ALK: variants seen among roughly 807,000 people sequenced by gnomAD.
The protein encoded by ALK is ALK receptor tyrosine kinase, also known as ALK tyrosine kinase receptor.
Under a neutral mutation model 163.1 loss-of-function variants are expected in ALK, and 74 were observed. The ratio of observed to expected loss-of-function variants is 0.45; its 90% CI spans 0.38 to 0.55. The LOEUF (loss-of-function observed/expected upper bound fraction) is 0.55, where lower values mean the gene tolerates loss of function less well. ALK is among the 20% of genes least tolerant of loss of function. The pLI is 0.00. For missense variants in ALK, 2,063 were observed against 2,105.3 expected (o/e 0.98, Z 0.39); for synonymous variants, 960 against 843.2 (o/e 1.14, Z -2.40).
chr2:29,449,349 G>C (rs927497985), intron 4 of ALK, among the ~76,000 whole-genome samples: 1 of 152,196 alleles, frequency 6.6e-6, no homozygotes, highest in Non-Finnish European at 1.5e-5. Flanking sequence ...CTAGTGGGTG[G>C]GTAAGTGAGT....
chr2:29,584,850 G>A (rs1402398181), intron 3 of ALK, among the ~76,000 whole-genome samples: 1 of 152,164 alleles, frequency 6.6e-6, no homozygotes, highest in African/African-American at 2.4e-5. Flanking sequence ...TCTCTTTAAG[G>A]ATCCATATAA....
chr2:29,308,963 A>G (rs1666621455), intron 8 of ALK, among the ~76,000 whole-genome samples: 1 of 151,414 alleles, frequency 6.6e-6, no homozygotes, highest in South Asian at 2.1e-4. Context: ...TTCCAGGCTT[A>G]TGGGAAGAAA....
intron 3 of ALK, among the ~76,000 whole-genome samples, chr2:29,668,382 A>C (rs1417454942): frequency 6.6e-6 from 1 of 151,926 alleles, no homozygotes; most frequent in Non-Finnish European, 1.5e-5. Flanking sequence ...TTTAAAACAT[A>C]GGTATTTATT....
chr2:29,274,496 C>T (rs1374491377), intron 11 of ALK, among the ~76,000 whole-genome samples: 1 of 152,230 alleles, frequency 6.6e-6, no homozygotes, highest in Non-Finnish European at 1.5e-5. Flanking sequence ...AGGTTCACAG[C>T]CGCTGGTCTA....
At chr2:29,345,132 A>G (rs1418183156) in intron 5 of ALK, among the ~76,000 whole-genome samples, 8 of 152,170 alleles carry the variant, frequency 5.3e-5, no homozygotes, top group Non-Finnish European at 1.2e-4. Context: ...AGTGGCTCAC[A>G]TCTGTAATCC....
intron 1 of ALK, among the ~76,000 whole-genome samples, chr2:29,859,789 G>C (rs924474777): frequency 3.3e-5 from 5 of 152,186 alleles, no homozygotes; most frequent in Non-Finnish European, 7.3e-5. Flanking sequence ...TTACTGGAAA[G>C]ACTTCTTCTA....
intron 3 of ALK, among the ~76,000 whole-genome samples, chr2:29,599,150 A>C (rs1255312540): frequency 6.6e-6 from 1 of 151,452 alleles, no homozygotes; most frequent in East Asian, 1.9e-4. Context: ...TACAAAGCAA[A>C]CCTGACAATA....
chr2:29,335,691 T>C (rs762620615), intron 5 of ALK, among the ~76,000 whole-genome samples: 1 of 152,110 alleles, frequency 6.6e-6, no homozygotes, highest in African/African-American at 2.4e-5. Flanking sequence ...AGGAATATTT[T>C]TGATGTTCAG....
At chr2:29,660,773 T>A (rs895263574) in intron 3 of ALK, among the ~76,000 whole-genome samples, 3 of 152,050 alleles carry the variant, frequency 2.0e-5, no homozygotes, top group Non-Finnish European at 4.4e-5. Context: ...GTTCCAAAGC[T>A]CACAGCTTTC....
chr2:29,848,958 G>T (rs976441664), intron 1 of ALK, among the ~76,000 whole-genome samples: 3 of 152,132 alleles, frequency 2.0e-5, no homozygotes, highest in Admixed American at 1.3e-4. Flanking sequence ...GTACTCCTAG[G>T]GTTTGTGTTC....
rs950950151 is a variant in ALK, at chr2:29,251,030, T to C, written c.2204+75A>G. 1.1e-5 allele frequency: 16 copies of C among 1,498,696 alleles called. No individual in the cohort carries two copies. The Admixed American group carries it at 1.7e-4, about 16-fold the overall frequency. The allele number at this position is 1,498,696 out of a possible 1,614,324, so 92.8% of individuals were successfully genotyped here. On this transcript the variant is annotated intron_variant, in intron 12 of 28. Transcript: ENST00000389048. The stretch of plus-strand genomic sequence containing the variant: ...GACATGCCTGGGCACCCCAGGAACA[T>C]GCACCCATAGGCAAGACTCCAGGCT...
At chr2:29,663,089 C>G (rs1677399595) in intron 3 of ALK, among the ~76,000 whole-genome samples, 1 of 152,230 alleles carries the variant, frequency 6.6e-6, no homozygotes, top group Admixed American at 6.5e-5. Flanking sequence ...CACGGTCTTC[C>G]CATAAGCCTA....
rs746442213 is a variant in ALK, at chr2:29,232,307, C to A, written c.2629G>T (p.Ala877Ser). The A allele has an allele frequency of 5.0e-6, 8 of 1,614,214 alleles. No individual in the cohort carries two copies. The highest frequency in any genetic ancestry group is 6.8e-6 in the Non-Finnish European group (8 of 1,180,030). Residue 877 changes from alanine (A) to serine (S), a missense_variant, in exon 15 of 29, where the codon GCA (alanine) becomes TCA (serine). Physicochemically the swap from Ala to Ser is moderately conservative, Grantham distance 99. This residue lies in a region of ALK where 575 missense variants were observed against 626.6 expected (regional missense o/e 0.92). Transcript: ENST00000389048. The part of the protein sequence containing the change: ...VLGLNGNSGA[A>S]GGGGGWNDNT... The stretch of plus-strand genomic sequence containing the variant: ...GGGCACGCTTGCAGCGCTTTACCTG[C>A]GGCTCCGGAATTGCCGTTTAGCCCT...
intron 1 of ALK, among the ~76,000 whole-genome samples, chr2:29,879,935 T>C (rs1666813294): frequency 6.6e-6 from 1 of 152,174 alleles, no homozygotes; most frequent in African/African-American, 2.4e-5. Context: ...AATTATTACT[T>C]CACAGTCATC....
intron 6 of ALK, among the ~76,000 whole-genome samples, chr2:29,322,773 G>A (rs1667105393): frequency 6.6e-6 from 1 of 152,214 alleles, no homozygotes; most frequent in Non-Finnish European, 1.5e-5. Flanking sequence ...GGTGGAAGTT[G>A]CAGTGAGCCA....
chr2:29,711,007 T>C (rs1286574826), intron 2 of ALK, among the ~76,000 whole-genome samples: 1 of 152,194 alleles, frequency 6.6e-6, no homozygotes, highest in Non-Finnish European at 1.5e-5. Context: ...TGCCAAATGT[T>C]TCTCTTCTCT....
intron 4 of ALK, among the ~76,000 whole-genome samples, chr2:29,411,194 C>G (rs1169082916): frequency 6.6e-6 from 1 of 152,166 alleles, no homozygotes; most frequent in East Asian, 1.9e-4. Flanking sequence ...CAGTTTTCCA[C>G]CTCCACATCT....
chr2:29,427,037 CAAAAAAA>C (rs70958261), intron 4 of ALK, among the ~76,000 whole-genome samples: 263 of 40,116 alleles, frequency 6.6e-3, no homozygotes, highest in African/African-American at 0.029. Context: ...GACTCCGTCT[CAAAAAAA>C]AAAAAAAAAA....
At chr2:29,294,006 G>C (rs1217052683) in intron 9 of ALK, among the ~76,000 whole-genome samples, 1 of 152,204 alleles carries the variant, frequency 6.6e-6, no homozygotes, top group African/African-American at 2.4e-5. Context: ...TCAAGGTTCA[G>C]GGTTGGGGAG....
Sources: gnomAD v4.1 joint callset for allele counts (sites outside exome capture counted in the v4.1 genomes callset) on GRCh38, gnomAD v4.1.1 for gene constraint, gnomAD v4.1.1 regional missense constraint, MANE v1.5 for transcripts, NCBI Gene and HGNC (gene_info 2026-07-23, HGNC 2026-07-21) for gene names.